Variants in PINX1 observed in about 807,000 individuals in gnomAD.
PINX1 encodes the protein PIN2 (TERF1) interacting telomerase inhibitor 1, also known as PIN2/TERF1-interacting telomerase inhibitor 1.
In PINX1, 34 loss-of-function variants were observed where a neutral mutation model predicts 25.4. The observed-to-expected ratio is 1.34, with a 90% CI of 1.02 to 1.78. The LOEUF (loss-of-function observed/expected upper bound fraction) is 1.78, where lower values mean the gene tolerates loss of function less well. Among genes scored for constraint, PINX1 ranks in the 40% most tolerant of loss-of-function variants. The pLI, the probability that PINX1 is intolerant of heterozygous loss-of-function variation, is 0.00. For synonymous variants in PINX1, 197 were observed against 147.7 expected (o/e 1.33, Z -2.42); for missense variants, 592 against 404.9 (o/e 1.46, Z -3.97).
At chr8:10,831,420 A>C (rs1264680957) in intron 4 of PINX1, among the ~76,000 whole-genome samples, 1 of 152,226 alleles carries the variant, frequency 6.6e-6, no homozygotes, top group Non-Finnish European at 1.5e-5. Context: ...ATATTTTCAA[A>C]TAGCTAGAAG....
chr8:10,812,465 A>T (rs927175078), intron 6 of PINX1, among the ~76,000 whole-genome samples: 2 of 152,214 alleles, frequency 1.3e-5, no homozygotes, highest in Non-Finnish European at 2.9e-5. Flanking sequence ...GAACCTGCAC[A>T]GGGCACTCCC....
At chr8:10,778,603 T>C (rs541766390) in intron 6 of PINX1, among the ~76,000 whole-genome samples, 31 of 152,302 alleles carry the variant, frequency 2.0e-4, no homozygotes, top group African/African-American at 7.5e-4. Flanking sequence ...AACAAACCTG[T>C]GCTATTCCTC....
chr8:10,779,810 G>A (rs1348637623), intron 6 of PINX1, among the ~76,000 whole-genome samples: 1 of 152,068 alleles, frequency 6.6e-6, no homozygotes, highest in Non-Finnish European at 1.5e-5. Context: ...CATGTAACAA[G>A]GCCTACAAAT....
chr8:10,780,254 G>T (rs1264291010), intron 6 of PINX1, among the ~76,000 whole-genome samples: 1 of 151,874 alleles, frequency 6.6e-6, no homozygotes, highest in South Asian at 2.1e-4. Context: ...GTACTATGTT[G>T]AACAGAAATG....
At position 10,809,868 on chromosome 8, in the gene PINX1, G is replaced by T. The variant is rs78754060; in HGVS notation, c.471+10325C>A. ...TTTTTGTATTGCTATAAAGAAATAC[G>T]TGAGGCTGGGTAATTTATAAAGTAA... On this transcript the variant is annotated intron_variant, in intron 6 of 6. Transcript: ENST00000314787. 9.5e-3 allele frequency among the ~76,000 whole-genome samples: 1,443 copies of T among 152,324 alleles called. 22 individuals are homozygous for T. Among genetic ancestry groups the T allele is most frequent in the Middle Eastern group, 0.017 (5 of 294 alleles).
At chr8:10,796,896 G>C (rs903197381) in intron 6 of PINX1, among the ~76,000 whole-genome samples, 1 of 151,984 alleles carries the variant, frequency 6.6e-6, no homozygotes, top group African/African-American at 2.4e-5. Flanking sequence ...ATGTGACAAT[G>C]ACAACTATCA....
intron 1 of PINX1, among the ~76,000 whole-genome samples, chr8:10,836,986 CCA>C (rs1247047937): frequency 6.6e-6 from 1 of 152,132 alleles, no homozygotes; most frequent in Non-Finnish European, 1.5e-5. Context: ...AATTCTCATG[CCA>C]CAGTCTGTTC....
At chr8:10,803,013 T>C (rs145533906) in intron 6 of PINX1, among the ~76,000 whole-genome samples, 201 of 152,296 alleles carry the variant, frequency 1.3e-3, no homozygotes, top group African/African-American at 4.5e-3. Flanking sequence ...AACTTCAATG[T>C]CACACAAAAT....
chr8:10,827,065 G>A (rs1269212549), intron 4 of PINX1, among the ~76,000 whole-genome samples: 2 of 152,198 alleles, frequency 1.3e-5, no homozygotes, highest in Admixed American at 6.5e-5. Context: ...TCAACTTCCC[G>A]GTTGCGAAAA....
chr8:10,781,546 C>A (rs1034333789), intron 6 of PINX1, among the ~76,000 whole-genome samples: 2 of 152,158 alleles, frequency 1.3e-5, no homozygotes. Flanking sequence ...AGATGCTGGA[C>A]AGGTATTTCT....
intron 6 of PINX1, among the ~76,000 whole-genome samples, chr8:10,807,327 A>C (rs74301689): frequency 0.24 from 7,695 of 31,628 alleles, 519 homozygotes; most frequent in African/African-American, 0.3. Context: ...TCCCCCCCCC[A>C]CCCCCCCCCC....
intron 6 of PINX1, among the ~76,000 whole-genome samples, chr8:10,816,778 C>T (rs549338064): frequency 6.6e-6 from 1 of 152,206 alleles, no homozygotes. Context: ...AGTTCATTAA[C>T]TTCGGCAGGA....
chr8:10,769,101 G>T (rs1438255312), intron 6 of PINX1, among the ~76,000 whole-genome samples: 1 of 152,176 alleles, frequency 6.6e-6, no homozygotes, highest in Non-Finnish European at 1.5e-5. Context: ...AGAGTAACTT[G>T]AAAACTTCTG....
At chr8:10,797,923 A>T (rs1431762449) in intron 6 of PINX1, among the ~76,000 whole-genome samples, 3 of 152,254 alleles carry the variant, frequency 2.0e-5, no homozygotes, top group African/African-American at 7.2e-5. Flanking sequence ...CTACCAATGC[A>T]TGCAGGTGGG....
chr8:10,767,217 G>T (rs1327376386), intron 6 of PINX1, among the ~76,000 whole-genome samples: 2 of 152,110 alleles, frequency 1.3e-5, no homozygotes, highest in Non-Finnish European at 2.9e-5. Flanking sequence ...GCTTGTGCAG[G>T]TAACTGAATT....
intron 4 of PINX1, among the ~76,000 whole-genome samples, chr8:10,828,279 A>G (rs932121497): frequency 3.3e-5 from 5 of 152,240 alleles, no homozygotes; most frequent in African/African-American, 9.6e-5. Flanking sequence ...CATATGGCAC[A>G]TAACATTTTC....
chr8:10,813,519 T>A (rs182447534), intron 6 of PINX1, among the ~76,000 whole-genome samples: 1 of 152,136 alleles, frequency 6.6e-6, no homozygotes, highest in East Asian at 1.9e-4. Context: ...ATTTTCAGAC[T>A]GGATAATCAG....
At chr8:10,814,127 C>A (rs914779683) in intron 6 of PINX1, among the ~76,000 whole-genome samples, 4 of 152,134 alleles carry the variant, frequency 2.6e-5, no homozygotes, top group Admixed American at 2.6e-4. Context: ...TTTGTCTCCA[C>A]AGAAAGTGCA....
At chr8:10,818,144 A>G (rs1417077803) in intron 6 of PINX1, among the ~76,000 whole-genome samples, 1 of 152,140 alleles carries the variant, frequency 6.6e-6, no homozygotes, top group Admixed American at 6.5e-5. Flanking sequence ...TAGGACCTAA[A>G]TTTATCACTG....
Sources: gnomAD v4.1 joint callset for allele counts (sites outside exome capture counted in the v4.1 genomes callset) on GRCh38, gnomAD v4.1.1 for gene constraint, MANE v1.5 for transcripts, NCBI Gene and HGNC (gene_info 2026-07-23, HGNC 2026-07-21) for gene names.